Variants in SHROOM4 observed in about 807,000 individuals in gnomAD.
SHROOM4 encodes the protein shroom family member 4.
Under a neutral mutation model 80.3 loss-of-function variants are expected in SHROOM4, and 17 were observed. The observed-to-expected ratio is 0.21, with a 90% CI of 0.14 to 0.32. SHROOM4 has a LOEUF of 0.32. Among genes scored for constraint, SHROOM4 ranks in the 10% least tolerant of loss-of-function variants. The pLI, the probability that SHROOM4 is intolerant of heterozygous loss-of-function variation, is 1.00. For missense variants in SHROOM4, 993 were observed against 1,140.3 expected (o/e 0.87, Z 1.86); for synonymous variants, 400 against 437.5 (o/e 0.91, Z 1.07).
At chrX:50,629,455 C>G (rs1930953518) in intron 4 of SHROOM4, among the ~76,000 whole-genome samples, 1 of 111,758 alleles carries the variant, frequency 8.9e-6, no homozygotes, top group Non-Finnish European at 1.9e-5. Flanking sequence ...CTCAGTTTCC[C>G]CAACTATATA....
chrX:50,682,507 A>G (rs781965441), intron 2 of SHROOM4, among the ~76,000 whole-genome samples: 3 of 111,886 alleles, frequency 2.7e-5, no homozygotes, highest in Non-Finnish European at 3.8e-5. Context: ...CAACACATGG[A>G]CACTGCCCAA....
chrX:50,793,222 G>A (rs188907063), intron 1 of SHROOM4, among the ~76,000 whole-genome samples: 2 of 110,333 alleles, frequency 1.8e-5, no homozygotes, highest in East Asian at 5.7e-4. Flanking sequence ...CTTATATGAC[G>A]TACCTAAAAT....
chrX:50,640,582 C>T (rs1351183855), intron 2 of SHROOM4, among the ~76,000 whole-genome samples: 1 of 111,436 alleles, frequency 9.0e-6, no homozygotes, highest in Admixed American at 9.6e-5. Context: ...TAGGTCATAT[C>T]ATGTTAAACG....
chrX:50,683,312 C>A (rs935567401), intron 2 of SHROOM4, among the ~76,000 whole-genome samples: 1 of 111,234 alleles, frequency 9.0e-6, no homozygotes, highest in African/African-American at 3.3e-5. Flanking sequence ...GATAAACAGG[C>A]GTTCTATTTC....
intron 5 of SHROOM4, among the ~76,000 whole-genome samples, chrX:50,615,098 TTGTGTGTGTGTGTGTGTG>T (rs58621277): frequency 1.0e-5 from 1 of 98,466 alleles, no homozygotes; most frequent in Non-Finnish European, 2.1e-5. Context: ...GATTCTCTTA[TTGTGTGTGTGTGTGTGTG>T]TGTGTGTGTG....
At chrX:50,676,608 T>C (rs1557261329) in intron 2 of SHROOM4, among the ~76,000 whole-genome samples, 1 of 111,652 alleles carries the variant, frequency 9.0e-6, no homozygotes, top group African/African-American at 3.2e-5. Flanking sequence ...TTAATTATTT[T>C]ATATCACTTC....
At chrX:50,695,998 ACTTGTTT>A (rs1364375379) in intron 1 of SHROOM4, 61 bp from the exon 2 acceptor site, 1 of 1,176,238 alleles carries the variant, frequency 8.5e-7, no homozygotes, top group Non-Finnish European at 1.2e-6. Flanking sequence ...CCAAAATTCT[ACTTGTTT>A]CTTCCAACCC....
chrX:50,610,791 T>C (rs1391091963), intron 5 of SHROOM4, among the ~76,000 whole-genome samples: 2 of 112,412 alleles, frequency 1.8e-5, no homozygotes, highest in African/African-American at 6.5e-5. Context: ...GGCACTATAA[T>C]GTTAACAACT....
At chrX:50,805,890 CA>C (rs1465151072) in intron 1 of SHROOM4, among the ~76,000 whole-genome samples, 2 of 111,272 alleles carry the variant, frequency 1.8e-5, no homozygotes, top group Non-Finnish European at 3.8e-5. Context: ...TGATTGTTTT[CA>C]AACCTATCAA....
At chrX:50,728,846 C>T (rs181814773) in intron 1 of SHROOM4, among the ~76,000 whole-genome samples, 1 of 111,823 alleles carries the variant, frequency 8.9e-6, no homozygotes, top group East Asian at 2.8e-4. Context: ...TTAAATGGTT[C>T]ATGTGCACCC....
At chrX:50,640,592 G>A (rs1379073123) in intron 2 of SHROOM4, among the ~76,000 whole-genome samples, 1 of 111,289 alleles carries the variant, frequency 9.0e-6, no homozygotes, top group Non-Finnish European at 1.9e-5. Flanking sequence ...CATGTTAAAC[G>A]CCAACTGAAT....
In SHROOM4 at chrX:50,593,887, C is replaced by T. The variant is rs1355163368; in HGVS notation, c.*2808G>A. 8.9e-6 allele frequency: 1 copy of T among 112,102 alleles called. No homozygotes were observed. The highest frequency in any genetic ancestry group is 3.2e-5 in the African/African-American group (1 of 30,830). 9.2% of individuals were successfully genotyped at this position (112,102 alleles called of 1,213,427 possible). A position where few individuals can be genotyped will look rare whatever the true frequency, so the allele number is the denominator to read the frequency against. Reference sequence around the variant, plus strand: ...TGTCTCTGTCTTATTCTGTCAGATTCTACTTGGGCATTTACAGCTATATCC... The same window carrying T: ...TGTCTCTGTCTTATTCTGTCAGATTTTACTTGGGCATTTACAGCTATATCC... On this transcript the variant is annotated 3_prime_UTR_variant, in exon 9 of 9. Transcript: ENST00000376020.
intron 2 of SHROOM4, among the ~76,000 whole-genome samples, chrX:50,660,941 G>A (rs1932488712): frequency 9.1e-6 from 1 of 109,763 alleles, no homozygotes. Flanking sequence ...GTTTTTATAA[G>A]CCCACTTTCT....
chrX:50,792,962 T>C (rs1557271701), intron 1 of SHROOM4, among the ~76,000 whole-genome samples: 1 of 103,354 alleles, frequency 9.7e-6, no homozygotes. Context: ...TGGGTATTCA[T>C]CTAAAAGAAA....
chrX:50,672,875 G>A (rs1195890578), intron 2 of SHROOM4, among the ~76,000 whole-genome samples: 8 of 111,671 alleles, frequency 7.2e-5, no homozygotes, highest in African/African-American at 2.6e-4. Flanking sequence ...CAGAGGAAGT[G>A]GCACAATATT....
chrX:50,596,875 C>G lies in SHROOM4; in HGVS notation c.4302G>C (p.Leu1434Phe). ...LKEHVDRREK[L>F]VFGMVSRYLP... ...GGTAGCGGGAGACCATGCCAAACAC[C>G]AACTTCTCCCGGCGGTCCACGTGCT... is the stretch of plus-strand genomic sequence containing the variant. The change falls in exon 9 of 9, where the codon TTG becomes TTC. Residue 1434 changes from leucine (L) to phenylalanine (F), a missense_variant. Physicochemically the swap from Leu to Phe is conservative, Grantham distance 22 (BLOSUM62 0). Transcript: ENST00000376020. 8.3e-7 allele frequency: 1 copy of G among 1,211,215 alleles called. No homozygotes were observed. Among genetic ancestry groups the G allele is most frequent in the Non-Finnish European group, 1.1e-6 (1 of 895,310 alleles).
intron 1 of SHROOM4, among the ~76,000 whole-genome samples, chrX:50,800,726 G>C (rs782277631): frequency 2.0e-4 from 22 of 111,218 alleles, no homozygotes; most frequent in Non-Finnish European, 7.5e-5. Flanking sequence ...GCTAAGACTG[G>C]AGCCAGATGG....
rs569610590 is a variant in SHROOM4, at chrX:50,595,479, C to T, written c.*1216G>A. 99 of 182,315 alleles carry T rather than the reference C, an allele frequency of 5.4e-4. No homozygotes were observed. Among genetic ancestry groups the T allele is most frequent in the Middle Eastern group, 2.2e-3 (1 of 461 alleles). The allele number at this position is 182,315 out of a possible 1,213,427, so 15.0% of individuals were successfully genotyped here. On this transcript the variant is annotated 3_prime_UTR_variant, in exon 9 of 9. Coordinates refer to ENST00000376020, the MANE Select transcript of SHROOM4 (RefSeq NM_020717.5). ...TAGCTTGGAGATGGTAGAGAAATGA[C>T]TGAACCTTTCTCCATTTCAGGAGAT...
At chrX:50,625,073 TAAA>T (rs1345164542) in intron 5 of SHROOM4, among the ~76,000 whole-genome samples, 1 of 111,775 alleles carries the variant, frequency 8.9e-6, no homozygotes, top group Non-Finnish European at 1.9e-5. Flanking sequence ...TAATGGCATG[TAAA>T]ACATCTCGTG....
Sources: allele counts gnomAD v4.1 joint callset (sites outside exome capture counted in the v4.1 genomes callset), GRCh38; gene constraint gnomAD v4.1.1; transcripts MANE v1.5; gene names NCBI Gene and HGNC (gene_info 2026-07-23, HGNC 2026-07-21).